Variants in ZBTB43 observed in about 807,000 individuals in gnomAD.
The protein encoded by ZBTB43 is zinc finger and BTB domain containing 43.
In ZBTB43, 6 loss-of-function variants were observed where a neutral mutation model predicts 31.1. That is an observed-to-expected ratio of 0.19 (90% CI 0.11 to 0.38). The LOEUF is 0.38. ZBTB43 is among the 10% of genes least tolerant of loss of function. The pLI is 1.00. For synonymous variants in ZBTB43, 212 were observed against 221.7 expected, an observed-to-expected ratio of 0.96 and a Z score of 0.39; for missense variants, 379 against 602.1, an observed-to-expected ratio of 0.63 and a Z score of 3.88.
chr9:126,828,276 C>T (rs957575662), intron 2 of ZBTB43, among the ~76,000 whole-genome samples: 6 of 151,648 alleles, frequency 4.0e-5, no homozygotes, highest in African/African-American at 1.2e-4. Context: ...CTCCACCTTC[C>T]GGGTTCACTC....
At chr9:126,832,116 G>A in intron 2 of ZBTB43, 1 of 183,860 alleles carries the variant, frequency 5.4e-6, no homozygotes, top group South Asian at 1.1e-4. Context: ...AACAGAGCAA[G>A]ACCCCATCTC....
intron 1 of ZBTB43, among the ~76,000 whole-genome samples, chr9:126,807,223 A>G (rs1396656378): frequency 2.0e-5 from 3 of 152,222 alleles, no homozygotes; most frequent in Non-Finnish European, 4.4e-5. Context: ...TAATTGAACT[A>G]TGGCTTAATA....
intron 2 of ZBTB43, among the ~76,000 whole-genome samples, chr9:126,830,738 GT>G (rs57767239): frequency 0.034 from 4,803 of 140,092 alleles, 224 homozygotes; most frequent in African/African-American, 0.11. Flanking sequence ...CGTTTGGGTG[GT>G]TTTTTTTTTT....
intron 1 of ZBTB43, among the ~76,000 whole-genome samples, chr9:126,807,810 A>G (rs2032160972): frequency 6.6e-6 from 1 of 151,832 alleles, no homozygotes; most frequent in Admixed American, 6.6e-5. Context: ...TAATTTTTGT[A>G]TTTTTAGTAG....
chr9:126,832,295 A>AGTG (rs2032781134), intron 2 of ZBTB43, 192 bp from the exon 3 acceptor site: 5 of 569,844 alleles, frequency 8.8e-6, no homozygotes, highest in African/African-American at 1.9e-5. Context: ...TTCCACAAGG[A>AGTG]GTGGTGGTGA....
At chr9:126,829,363 A>C (rs888080949) in intron 2 of ZBTB43, among the ~76,000 whole-genome samples, 1 of 152,216 alleles carries the variant, frequency 6.6e-6, no homozygotes. Flanking sequence ...CTATTGTAGC[A>C]TTGCTTGTGA....
intron 2 of ZBTB43, 106 bp from the exon 3 acceptor site, chr9:126,832,381 C>A: frequency 9.1e-7 from 1 of 1,096,950 alleles, no homozygotes; most frequent in Non-Finnish European, 1.3e-6. Context: ...GGCCCATAGG[C>A]TAGAGGACTT....
intron 2 of ZBTB43, among the ~76,000 whole-genome samples, chr9:126,817,231 C>A (rs1304384916): frequency 1.3e-5 from 2 of 149,492 alleles, no homozygotes; most frequent in African/African-American, 5.0e-5. Flanking sequence ...CCCTCTTCAG[C>A]CTTCTGAGTA....
At chr9:126,804,830 T>C (rs1381898688), upstream of ZBTB43, among the ~76,000 whole-genome samples, 1 of 152,336 alleles carries the variant, frequency 6.6e-6, no homozygotes, top group East Asian at 1.9e-4. Flanking sequence ...TCTGCTCCCC[T>C]ATTTTCAACA....
intron 2 of ZBTB43, among the ~76,000 whole-genome samples, chr9:126,816,089 T>C (rs1438257585): frequency 6.6e-6 from 1 of 152,186 alleles, no homozygotes; most frequent in Non-Finnish European, 1.5e-5. Context: ...AGGTTTTCCA[T>C]TCAGGGCAGT....
chr9:126,815,271 A>G (rs1301195858), intron 2 of ZBTB43, among the ~76,000 whole-genome samples: 2 of 121,094 alleles, frequency 1.7e-5, no homozygotes, highest in African/African-American at 6.2e-5. Context: ...AATATATAAA[A>G]CTATATATAT....
chr9:126,830,401 T>C (rs536750559), intron 2 of ZBTB43, among the ~76,000 whole-genome samples: 1 of 152,334 alleles, frequency 6.6e-6, no homozygotes, highest in South Asian at 2.1e-4. Flanking sequence ...ATTCCAGCAC[T>C]TTGGGAGGCC....
chr9:126,822,904 G>A (rs961336734), intron 2 of ZBTB43, among the ~76,000 whole-genome samples: 3 of 144,006 alleles, frequency 2.1e-5, no homozygotes, highest in African/African-American at 5.0e-5. Context: ...CAGCAATAAA[G>A]TATTTTTAAA....
At chr9:126,828,270 A>G (rs141639467) in intron 2 of ZBTB43, among the ~76,000 whole-genome samples, 4,825 of 150,856 alleles carry the variant, frequency 0.032, 248 homozygotes, top group African/African-American at 0.11. Context: ...TGCAAGCTCC[A>G]CCTTCCGGGT....
chr9:126,807,795 A>G (rs1223070153), intron 1 of ZBTB43, among the ~76,000 whole-genome samples: 1 of 151,722 alleles, frequency 6.6e-6, no homozygotes, highest in East Asian at 1.9e-4. Context: ...GCCACCACAC[A>G]CAGCTAATTT....
intron 2 of ZBTB43, among the ~76,000 whole-genome samples, chr9:126,825,200 C>A (rs2032604788): frequency 6.6e-6 from 1 of 152,200 alleles, no homozygotes; most frequent in Non-Finnish European, 1.5e-5. Flanking sequence ...CTCAGCCTCC[C>A]AGAGTGCTGG....
intron 2 of ZBTB43, 63 bp downstream of exon 2, chr9:126,808,978 T>C (rs2032186019): frequency 6.6e-6 from 1 of 152,206 alleles, no homozygotes; most frequent in African/African-American, 2.4e-5. Context: ...ATTTCTCTTT[T>C]AGCAAAAATA....
chr9:126,825,787 G>A (rs944437296), intron 2 of ZBTB43, among the ~76,000 whole-genome samples: 2 of 151,614 alleles, frequency 1.3e-5, no homozygotes. Context: ...AGTTCAGCCC[G>A]TAATGCATCG....
intron 2 of ZBTB43, among the ~76,000 whole-genome samples, chr9:126,824,084 T>C (rs2032574811): frequency 6.6e-6 from 1 of 152,140 alleles, no homozygotes; most frequent in African/African-American, 2.4e-5. Context: ...TGGAGTGCAG[T>C]GGCGCAATCT....
Sources: gnomAD v4.1 joint callset for allele counts (sites outside exome capture counted in the v4.1 genomes callset) on GRCh38, gnomAD v4.1.1 for gene constraint, MANE v1.5 for transcripts, NCBI Gene and HGNC (gene_info 2026-07-23, HGNC 2026-07-21) for gene names.